The following NDUFA5 variants were observed in gnomAD, a reference collection of about 807,000 sequenced individuals.
NDUFA5 encodes the protein NADH:ubiquinone oxidoreductase subunit A5, also known as NADH dehydrogenase [ubiquinone] 1 alpha subcomplex subunit 5.
NDUFA5 carries 11 observed loss-of-function variants against 19.8 expected under a neutral mutation model. The ratio of observed to expected loss-of-function variants is 0.56; its 90% CI spans 0.35 to 0.92. The LOEUF (loss-of-function observed/expected upper bound fraction) is 0.92. Ranked by LOEUF, NDUFA5 falls within the 40% of genes least tolerant of loss-of-function variation. The pLI, the probability that NDUFA5 is intolerant of heterozygous loss-of-function variation, is 0.01. For synonymous variants in NDUFA5, 47 were observed against 46.8 expected (o/e 1.00, Z -0.01); for missense variants, 109 against 134.2 (o/e 0.81, Z 0.93).
intron 4 of NDUFA5, among the ~76,000 whole-genome samples, chr7:123,542,676 TTG>T (rs1797983048): frequency 6.6e-6 from 1 of 152,190 alleles, no homozygotes; most frequent in African/African-American, 2.4e-5. Flanking sequence ...CTTTTTTCTA[TTG>T]TGTTTTTTTA....
chr7:123,598,604 A>G, the NDUFA5 span, among the ~76,000 whole-genome samples: 1 of 152,372 alleles, frequency 6.6e-6, no homozygotes, highest in Non-Finnish European at 1.5e-5. Context: ...CTGCGAACCC[A>G]TTTGAACAAG....
intron 4 of NDUFA5, among the ~76,000 whole-genome samples, chr7:123,544,216 G>T (rs1798041392): frequency 6.6e-6 from 1 of 152,160 alleles, no homozygotes; most frequent in South Asian, 2.1e-4. Flanking sequence ...AAAAAAATTT[G>T]AGCTGGGCAG....
chr7:123,594,278 T>C, the NDUFA5 span, among the ~76,000 whole-genome samples: 1 of 152,154 alleles, frequency 6.6e-6, no homozygotes, highest in African/African-American at 2.4e-5. Flanking sequence ...GGCCTACTTC[T>C]GTCAACTCGT....
the NDUFA5 span, among the ~76,000 whole-genome samples, chr7:123,580,593 C>A: frequency 6.6e-6 from 1 of 152,196 alleles, no homozygotes; most frequent in Middle Eastern, 3.4e-3. Flanking sequence ...AAACCCAGAA[C>A]TGCATCATAT....
At chr7:123,558,911 A>C (rs993251474), upstream of NDUFA5, among the ~76,000 whole-genome samples, 1 of 152,168 alleles carries the variant, frequency 6.6e-6, no homozygotes, top group African/African-American at 2.4e-5. Flanking sequence ...GAGGCCTTTC[A>C]TTAGAGGCAT....
chr7:123,571,772 T>C, the NDUFA5 span, among the ~76,000 whole-genome samples: 1 of 152,204 alleles, frequency 6.6e-6, no homozygotes, highest in Non-Finnish European at 1.5e-5. Flanking sequence ...AAGTTGATAA[T>C]ATAGTCCCAC....
chr7:123,550,255 C>A (rs1217145870), intron 3 of NDUFA5: 1 of 452,696 alleles, frequency 2.2e-6, no homozygotes, highest in Non-Finnish European at 3.9e-6. Flanking sequence ...AAGGAAGGAT[C>A]TGATCCTAGT....
At chr7:123,593,919 T>A in the NDUFA5 span, among the ~76,000 whole-genome samples, 6 of 152,190 alleles carry the variant, frequency 3.9e-5, no homozygotes, top group Non-Finnish European at 7.3e-5. Flanking sequence ...GGTACACCAA[T>A]CAAACATAGA....
At chr7:123,578,931 G>A in the NDUFA5 span, among the ~76,000 whole-genome samples, 4 of 151,642 alleles carry the variant, frequency 2.6e-5, no homozygotes, top group African/African-American at 4.8e-5. Flanking sequence ...TTTTAGATTC[G>A]GGTGGTACAT....
the NDUFA5 span, among the ~76,000 whole-genome samples, chr7:123,579,682 G>T: frequency 1.3e-5 from 2 of 152,004 alleles, no homozygotes; most frequent in Non-Finnish European, 2.9e-5. Context: ...CCTGGGAGTT[G>T]AGTTAATTTG....
chr7:123,564,528 A>G, the NDUFA5 span, among the ~76,000 whole-genome samples: 1 of 152,170 alleles, frequency 6.6e-6, no homozygotes, highest in Admixed American at 6.5e-5. Context: ...TCATGCACAC[A>G]CACATATACA....
At chr7:123,583,318 A>G in the NDUFA5 span, among the ~76,000 whole-genome samples, 1 of 151,984 alleles carries the variant, frequency 6.6e-6, no homozygotes, top group East Asian at 1.9e-4. Context: ...CCTAATTTCA[A>G]CATATATCAT....
chr7:123,548,732 C>T (rs1798225091), intron 3 of NDUFA5, among the ~76,000 whole-genome samples: 1 of 152,094 alleles, frequency 6.6e-6, no homozygotes, highest in Admixed American at 6.6e-5. Flanking sequence ...CCAAACATGG[C>T]CACACATCAA....
At chr7:123,578,262 T>G in the NDUFA5 span, among the ~76,000 whole-genome samples, 3 of 151,060 alleles carry the variant, frequency 2.0e-5, no homozygotes, top group South Asian at 6.3e-4. Flanking sequence ...GGAAAAAAAA[T>G]GACAAAATTC....
intron 2 of NDUFA5, chr7:123,555,584 T>C (rs1165259776): frequency 6.6e-6 from 1 of 152,038 alleles, no homozygotes; most frequent in Non-Finnish European, 1.5e-5. Context: ...AAGAAATATA[T>C]TTAGAAGGGA....
the NDUFA5 span, among the ~76,000 whole-genome samples, chr7:123,590,229 T>A: frequency 6.6e-6 from 1 of 152,160 alleles, no homozygotes; most frequent in East Asian, 1.9e-4. Flanking sequence ...TCACCCTTTG[T>A]CAGATGGATA....
chr7:123,577,192 T>C, the NDUFA5 span, among the ~76,000 whole-genome samples: 1 of 152,206 alleles, frequency 6.6e-6, no homozygotes, highest in Non-Finnish European at 1.5e-5. Context: ...GTTTACTATA[T>C]CATTGATATC....
the NDUFA5 span, among the ~76,000 whole-genome samples, chr7:123,600,713 C>T: frequency 2.2e-4 from 34 of 152,102 alleles, no homozygotes; most frequent in African/African-American, 7.5e-4. Context: ...ATGACTGAAA[C>T]GCACCTTCTT....
the NDUFA5 span, among the ~76,000 whole-genome samples, chr7:123,578,408 T>C: frequency 6.6e-6 from 1 of 151,904 alleles, no homozygotes; most frequent in African/African-American, 2.4e-5. Flanking sequence ...ATTTTAGTGT[T>C]TGCCATTTGT....
Sources: gnomAD v4.1 joint callset for allele counts (sites outside exome capture counted in the v4.1 genomes callset) on GRCh38, gnomAD v4.1.1 for gene constraint, MANE v1.5 for transcripts, NCBI Gene and HGNC (gene_info 2026-07-23, HGNC 2026-07-21) for gene names.